The following LDHC variants were observed in gnomAD, a reference collection of about 807,000 sequenced individuals.
LDHC encodes the protein lactate dehydrogenase C.
Under a neutral mutation model 30.2 loss-of-function variants are expected in LDHC, and 20 were observed. The ratio of observed to expected loss-of-function variants is 0.66; its 90% CI spans 0.47 to 0.96. The LOEUF is 0.96. Among genes scored for constraint, LDHC ranks in the 40% least tolerant of loss-of-function variants. LDHC has a pLI of 0.00. For synonymous variants in LDHC, 139 were observed against 132.7 expected (o/e 1.05, Z -0.32); for missense variants, 362 against 394.9 (o/e 0.92, Z 0.71).
rs1451216127 is a variant in LDHC, at chr11:18,412,750, G to A, written c.33G>A (p.Lys11=). ...CTGTCAAGGAGCAGCTAATTGAGAA[G>A]CTAATTGAGGATGATGAAAACTCCC... is the stretch of plus-strand genomic sequence containing the variant. The part of the protein sequence containing the change: MSTVKEQLIE[K]LIEDDENSQC... The change falls in exon 2 of 8, where the codon AAG becomes AAA. Residue 11 remains lysine (K), a synonymous_variant. Transcript: ENST00000541669. 1 of 1,614,036 alleles carries A rather than the reference G, an allele frequency of 6.2e-7. No homozygotes were observed. The highest frequency in any genetic ancestry group is 2.2e-5 in the East Asian group (1 of 44,886).
rs766478503 is a variant in LDHC, at chr11:18,438,574, T to TC, written c.640dup (p.Leu214ProfsTer4). 1.4e-5 allele frequency: 23 copies of TC among 1,613,594 alleles called. No individual in the cohort carries two copies. The highest frequency in any genetic ancestry group is 1.9e-5 in the Non-Finnish European group (22 of 1,179,506). On this transcript the variant is annotated frameshift_variant, in exon 6 of 8. Coordinates refer to ENST00000541669, the MANE Select transcript of LDHC (RefSeq NM_017448.5). LOFTEE classifies it high-confidence loss of function. Reference sequence around the variant, plus strand: ...ATGTTGCTGGTGTTGCTCTGAAGACTCTGGACCCTAAATTAGGAACGGATT... The same window carrying TC: ...ATGTTGCTGGTGTTGCTCTGAAGACTCCTGGACCCTAAATTAGGAACGGATT...
chr11:18,415,191 C>T lies in LDHC; in HGVS notation c.134C>T (p.Ala45Val). ...AACTTTTGTATATTTTAGGATTTGG[C>T]TGATGAACTTGCCCTTGTTGATGTT... The part of the protein sequence containing the change: ...CAISILLKDL[A>V]DELALVDVAL... Residue 45 changes from alanine (A) to valine (V), a missense_variant, in exon 3 of 8, where the codon GCT becomes GTT. Transcript: ENST00000541669. The T allele has an allele frequency of 6.3e-7, 1 of 1,584,612 alleles. No homozygotes were observed. Among genetic ancestry groups the T allele is most frequent in the African/African-American group, 1.3e-5 (1 of 74,460 alleles).
At chr11:18,421,595 C>T (rs1321991875) in intron 3 of LDHC, among the ~76,000 whole-genome samples, 2 of 151,924 alleles carry the variant, frequency 1.3e-5, no homozygotes, top group Admixed American at 6.6e-5. Context: ...ATCGCTTTAA[C>T]CTGGGAGACG....
chr11:18,413,515 T>A (rs899698192), intron 2 of LDHC, among the ~76,000 whole-genome samples: 1 of 141,836 alleles, frequency 7.1e-6, no homozygotes, highest in Non-Finnish European at 1.5e-5. Context: ...CAGGCTGGAG[T>A]GCAGCGGCAG....
chr11:18,417,163 C>G (rs772233740), intron 3 of LDHC, among the ~76,000 whole-genome samples: 1 of 152,092 alleles, frequency 6.6e-6, no homozygotes, highest in Admixed American at 6.6e-5. Context: ...GGATTACAGG[C>G]GTGAGCCACC....
chr11:18,439,563 C>CAAA (rs34511927), intron 6 of LDHC, among the ~76,000 whole-genome samples: 88 of 59,260 alleles, frequency 1.5e-3, no homozygotes, highest in African/African-American at 4.4e-3. Context: ...AACTCCATCT[C>CAAA]AAAAAAAAAA....
intron 3 of LDHC, among the ~76,000 whole-genome samples, chr11:18,427,169 A>G (rs920967292): frequency 6.6e-6 from 1 of 151,992 alleles, no homozygotes. Context: ...CAGCCTGGTC[A>G]AGATGGTGAA....
chr11:18,429,519 ATTT>A (rs1848227384), intron 3 of LDHC, among the ~76,000 whole-genome samples: 1 of 152,144 alleles, frequency 6.6e-6, no homozygotes, highest in Non-Finnish European at 1.5e-5. Flanking sequence ...TGTTATAAAA[ATTT>A]TTGAGGTAGC....
At position 18,443,375 on chromosome 11, in the gene LDHC, T is replaced by C. The variant is rs536078085; in HGVS notation, c.711-2835T>C. ...TATGGAGCAGCCCATCTACCTCCCA[T>C]AGGGCTGTCACAGTGTTGGTCTTTA... is the stretch of plus-strand genomic sequence containing the variant. On this transcript the variant is annotated intron_variant, in intron 6 of 7. Coordinates refer to ENST00000541669, the MANE Select transcript of LDHC (RefSeq NM_017448.5). Among the ~76,000 whole-genome samples the C allele has an allele frequency of 1.5e-4, 23 of 152,254 alleles. No individual in the cohort carries two copies. In the South Asian group the frequency reaches 4.6e-3, roughly 30 times the overall value.
chr11:18,429,893 T>C lies in LDHC; in HGVS notation c.401T>C (p.Leu134Pro). The C allele has an allele frequency of 6.2e-7, 1 of 1,606,988 alleles. No homozygotes were observed. The highest frequency in any genetic ancestry group is 8.5e-7 in the Non-Finnish European group (1 of 1,174,298). ...CATTATAGTCCTGATTGTAAAATTC[T>C]TGTTGTTTCAAATCCAGGTGAGTCT... Reference protein sequence around the residue: ...IVHYSPDCKILVVSNPVDILT... With the variant: ...IVHYSPDCKIPVVSNPVDILT... Residue 134 changes from leucine to proline, a missense_variant, in exon 4 of 8, where the codon CTT becomes CCT. Physicochemically the swap from Leu to Pro is moderately conservative, Grantham distance 98 (BLOSUM62 -3). Transcript: ENST00000541669.
intron 7 of LDHC, among the ~76,000 whole-genome samples, chr11:18,448,388 A>G (rs909535190): frequency 1.3e-5 from 2 of 152,080 alleles, no homozygotes; most frequent in Non-Finnish European, 2.9e-5. Flanking sequence ...GGTTCAAGCG[A>G]TTCTTGTGCC....
chr11:18,415,135 C>G (rs370080971), intron 2 of LDHC, 49 bp from the exon 3 acceptor site: 38 of 1,002,494 alleles, frequency 3.8e-5, no homozygotes, highest in South Asian at 3.3e-4. Context: ...TTCTTATTCT[C>G]CTAAAACTTA....
chr11:18,427,089 A>G (rs1006642698), intron 3 of LDHC, among the ~76,000 whole-genome samples: 3 of 152,132 alleles, frequency 2.0e-5, no homozygotes, highest in Non-Finnish European at 4.4e-5. Flanking sequence ...TGGGCGTGGT[A>G]GCTGATGCCT....
intron 3 of LDHC, among the ~76,000 whole-genome samples, chr11:18,429,116 CTTTTTT>C (rs36038254): frequency 4.9e-4 from 46 of 93,914 alleles, no homozygotes; most frequent in African/African-American, 1.6e-3. Context: ...TCATTTTGGT[CTTTTTT>C]TTTTTTTTTT....
chr11:18,431,768 C>T (rs1300235362), intron 4 of LDHC, among the ~76,000 whole-genome samples: 2 of 152,082 alleles, frequency 1.3e-5, no homozygotes, highest in African/African-American at 2.4e-5. Context: ...CCAGGCTGGT[C>T]TCAAACTCCT....
intron 7 of LDHC, among the ~76,000 whole-genome samples, chr11:18,447,134 ATT>A (rs1316943953): frequency 1.4e-4 from 20 of 138,826 alleles, no homozygotes; most frequent in Non-Finnish European, 1.6e-4. Flanking sequence ...TGACTTCTCT[ATT>A]TTTTTTTTTT....
chr11:18,426,162 C>T (rs1848159162), intron 3 of LDHC, among the ~76,000 whole-genome samples: 1 of 151,762 alleles, frequency 6.6e-6, no homozygotes, highest in Non-Finnish European at 1.5e-5. Context: ...ACTACTATGC[C>T]CAGCTCCACA....
intron 4 of LDHC, among the ~76,000 whole-genome samples, chr11:18,433,024 G>T (rs1289907739): frequency 1.3e-5 from 2 of 152,126 alleles, no homozygotes; most frequent in African/African-American, 4.8e-5. Flanking sequence ...TTGGGTTTTT[G>T]TTTGTATGTT....
At chr11:18,447,347 G>C (rs1848571787) in intron 7 of LDHC, among the ~76,000 whole-genome samples, 1 of 152,060 alleles carries the variant, frequency 6.6e-6, no homozygotes, top group African/African-American at 2.4e-5. Context: ...GTGTTAACCA[G>C]GATGGTCTTG....
Sources: gnomAD v4.1 joint callset for allele counts (sites outside exome capture counted in the v4.1 genomes callset) on GRCh38, gnomAD v4.1.1 for gene constraint, MANE v1.5 for transcripts, NCBI Gene and HGNC (gene_info 2026-07-23, HGNC 2026-07-21) for gene names.